COL17A1: variants seen among roughly 807,000 people sequenced by gnomAD.
COL17A1 encodes collagen type XVII alpha 1 chain.
A neutral mutation model predicts 218.4 loss-of-function variants in COL17A1; 181 were observed. The ratio of observed to expected loss-of-function variants is 0.83; its 90% CI spans 0.73 to 0.94. The LOEUF (loss-of-function observed/expected upper bound fraction) is 0.94. Ranked by LOEUF, COL17A1 falls within the 40% of genes least tolerant of loss-of-function variation. The pLI is 0.00. For synonymous variants in COL17A1, 721 were observed against 731.0 expected (o/e 0.99, Z 0.22); for missense variants, 1,924 against 1,945.9 (o/e 0.99, Z 0.21).
At chr10:104,035,815 T>TGTGTGTGTATGG (rs1564670874) in intron 48 of COL17A1, among the ~76,000 whole-genome samples, 1 of 151,556 alleles carries the variant, frequency 6.6e-6, no homozygotes, top group African/African-American at 2.4e-5. Context: ...TGTATGGGAG[T>TGTGTGTGTATGG]GAGTGTGTGT....
intron 45 of COL17A1, 108 bp downstream of exon 45, chr10:104,038,298 C>A: frequency 1.4e-6 from 2 of 1,433,744 alleles, no homozygotes; most frequent in Non-Finnish European, 1.9e-6. Context: ...TGCCCTACAT[C>A]GTCCCATGTC....
intron 24 of COL17A1, 59 bp downstream of exon 24, chr10:104,052,096 A>G (rs951106317): frequency 6.2e-7 from 1 of 1,611,602 alleles, no homozygotes; most frequent in Non-Finnish European, 8.5e-7. Context: ...TCTGTGATCC[A>G]TCCTGAATGT....
intron 26 of COL17A1, 96 bp from the exon 27 acceptor site, chr10:104,050,752 G>A: frequency 2.5e-6 from 4 of 1,614,018 alleles, no homozygotes; most frequent in Non-Finnish European, 3.4e-6. Context: ...CCTCAATCCT[G>A]ACTTCTTCTT....
intron 9 of COL17A1, among the ~76,000 whole-genome samples, chr10:104,066,750 G>A (rs114464055): frequency 5.9e-5 from 9 of 152,272 alleles, no homozygotes; most frequent in South Asian, 2.1e-4. Flanking sequence ...CAATGCTCCC[G>A]TAAATCCTTA....
In COL17A1 at chr10:104,051,468, G is replaced by A. The variant is rs770866350; in HGVS notation, c.2038+13C>T. ...TGGAAACAGAACCTATTTACAAGAA[G>A]CAGCAAACTGACCTGGAGGGCCCTG... On this transcript the variant is annotated intron_variant, in intron 25 of 55. Transcript: ENST00000648076. 1.2e-6 allele frequency: 2 copies of A among 1,614,048 alleles called. No homozygotes were observed. The highest frequency in any genetic ancestry group is 1.7e-6 in the Non-Finnish European group (2 of 1,180,010).
intron 2 of COL17A1, among the ~76,000 whole-genome samples, chr10:104,080,051 A>C (rs1007985790): frequency 1.3e-5 from 2 of 152,200 alleles, no homozygotes; most frequent in African/African-American, 4.8e-5. Flanking sequence ...TTGACACATA[A>C]AAGTGAATTA....
rs367967846 is a variant in COL17A1 at position 104,048,124 on chromosome 10, G to T, written c.2228-20C>A. Reference sequence around the variant, plus strand: ...CAGGACCTGGTAAAGTAGAAGCAAGGTCTCTCAGTTGCTCCTGGAGTGATT... The same window carrying T: ...CAGGACCTGGTAAAGTAGAAGCAAGTTCTCTCAGTTGCTCCTGGAGTGATT... On this transcript the variant is annotated intron_variant, in intron 29 of 55. Transcript: ENST00000648076. The T allele has an allele frequency of 4.5e-5, 73 of 1,613,930 alleles. No homozygotes were observed. The Middle Eastern group carries it at 1.2e-3, about 25-fold the overall frequency.
At chr10:104,035,149 C>T (rs1358901762) in intron 50 of COL17A1, 114 bp downstream of exon 50, 3 of 930,892 alleles carry the variant, frequency 3.2e-6, no homozygotes, top group East Asian at 2.6e-5. Context: ...GGGCCCTGCA[C>T]CCAGCACTGT....
intron 15 of COL17A1, 59 bp from the exon 16 acceptor site, chr10:104,058,249 T>G (rs2086550341): frequency 1.2e-6 from 2 of 1,607,154 alleles, no homozygotes; most frequent in African/African-American, 2.7e-5. Context: ...CTGCTCTGCC[T>G]ATGGAGTAGC....
chr10:104,051,122 G>A (rs1256985494), intron 25 of COL17A1, among the ~76,000 whole-genome samples: 1 of 152,180 alleles, frequency 6.6e-6, no homozygotes, highest in Non-Finnish European at 1.5e-5. Context: ...ACACATTGTC[G>A]AGTCTTGGCA....
chr10:104,082,455 G>A (rs2086773218), intron 1 of COL17A1, among the ~76,000 whole-genome samples: 1 of 152,188 alleles, frequency 6.6e-6, no homozygotes, highest in South Asian at 2.1e-4. Context: ...TGTGGATCAG[G>A]AGGCATTTGG....
rs147566464 is a variant in COL17A1, at chr10:104,044,317, G to A, written c.2399-457C>T. 4.0e-4 allele frequency among the ~76,000 whole-genome samples: 61 copies of A among 152,362 alleles called. 2 individuals carry two copies. The East Asian group carries it at 8.1e-3, about 20-fold the overall frequency. The stretch of plus-strand genomic sequence containing the variant: ...CTGTGCAGGATTAAAGGGGGGCTCT[G>A]CAGTGGGTAAGTCTAAGAAGGTCTG... On this transcript the variant is annotated intron_variant, in intron 33 of 55. Coordinates refer to ENST00000648076, the MANE Select transcript of COL17A1 (RefSeq NM_000494.4).
intron 9 of COL17A1, among the ~76,000 whole-genome samples, chr10:104,067,682 G>GGAGCTGCAGAGCCGAAGC (rs1237195921): frequency 6.6e-6 from 1 of 152,180 alleles, no homozygotes; most frequent in African/African-American, 2.4e-5. Context: ...GGGGGCGGCA[G>GGAGCTGCAGAGCCGAAGC]GAGCTGCAGA....
chr10:104,057,855 G>C (rs1459435287), intron 16 of COL17A1, among the ~76,000 whole-genome samples: 3 of 152,102 alleles, frequency 2.0e-5, no homozygotes, highest in African/African-American at 7.2e-5. Context: ...CAGTCACCCT[G>C]TTGTGTTAGG....
intron 32 of COL17A1, among the ~76,000 whole-genome samples, chr10:104,046,477 T>C (rs2086410997): frequency 6.6e-6 from 1 of 152,182 alleles, no homozygotes; most frequent in South Asian, 2.1e-4. Flanking sequence ...TTGGGGTTCC[T>C]CTCAGATTCC....
intron 14 of COL17A1, 51 bp from the exon 15 acceptor site, chr10:104,059,769 A>G (rs374303317): frequency 4.9e-5 from 77 of 1,570,268 alleles, no homozygotes; most frequent in Non-Finnish European, 6.1e-5. Context: ...CAACCTCTCA[A>G]CTCTGTCCTG....
At chr10:104,060,377 G>A (rs2086572436) in intron 13 of COL17A1, 97 bp from the exon 14 acceptor site, 2 of 1,537,444 alleles carry the variant, frequency 1.3e-6, no homozygotes, top group East Asian at 2.3e-5. Flanking sequence ...AAGAGAAGGA[G>A]GAGGGAGGTA....
At chr10:104,032,625 G>C (rs1388705540) in intron 55 of COL17A1, 49 bp downstream of exon 55, 2 of 1,563,014 alleles carry the variant, frequency 1.3e-6, no homozygotes, top group Non-Finnish European at 1.8e-6. Flanking sequence ...ATGAGCGTCA[G>C]CCTTGCAGCC....
At chr10:104,063,124 A>T (rs1311656864) in intron 11 of COL17A1, among the ~76,000 whole-genome samples, 2 of 152,248 alleles carry the variant, frequency 1.3e-5, no homozygotes, top group African/African-American at 4.8e-5. Context: ...AAGTAAATAA[A>T]CAAGGCCCAC....
Sources: allele counts gnomAD v4.1 joint callset (sites outside exome capture counted in the v4.1 genomes callset), GRCh38; gene constraint gnomAD v4.1.1; transcripts MANE v1.5; gene names NCBI Gene and HGNC (gene_info 2026-07-23, HGNC 2026-07-21).